Variants in ATL1 observed in about 807,000 individuals in gnomAD.
ATL1 encodes the protein atlastin GTPase 1, also known as atlastin-1.
A neutral mutation model predicts 75.5 loss-of-function variants in ATL1; 31 were observed. The ratio of observed to expected loss-of-function variants is 0.41; its 90% CI spans 0.31 to 0.55. The LOEUF (loss-of-function observed/expected upper bound fraction) is 0.55, where lower values mean the gene tolerates loss of function less well. Among genes scored for constraint, ATL1 ranks in the 20% least tolerant of loss-of-function variants. The pLI, the probability that ATL1 is intolerant of heterozygous loss-of-function variation, is 0.27. For synonymous variants in ATL1, 226 were observed against 233.3 expected (o/e 0.97, Z 0.28); for missense variants, 405 against 662.6 (o/e 0.61, Z 4.27).
intron 1 of ATL1, among the ~76,000 whole-genome samples, chr14:50,582,286 G>T (rs910322766): frequency 1.3e-5 from 2 of 151,414 alleles, no homozygotes; most frequent in African/African-American, 4.8e-5. Flanking sequence ...CTCAACAAAA[G>T]AAATTTAAAT....
At chr14:50,580,985 C>T (rs1006056065) in intron 1 of ATL1, among the ~76,000 whole-genome samples, 2 of 151,764 alleles carry the variant, frequency 1.3e-5, no homozygotes, top group African/African-American at 2.4e-5. Context: ...CATAAAATTA[C>T]TCATAATATC....
intron 6 of ATL1, among the ~76,000 whole-genome samples, chr14:50,598,486 AAGT>A (rs1283003365): frequency 1.3e-5 from 2 of 151,826 alleles, no homozygotes; most frequent in South Asian, 4.2e-4. Context: ...TCAGCCTCCC[AAGT>A]AGCTGGGATT....
At chr14:50,561,203 T>C (rs2140175103) in intron 1 of ATL1, 1 of 152,362 alleles carries the variant, frequency 6.6e-6, no homozygotes, top group Non-Finnish European at 1.5e-5. Context: ...CCCGCCTTGC[T>C]GCTCCAGACC....
chr14:50,585,951 C>A (rs1812181), intron 1 of ATL1, among the ~76,000 whole-genome samples: 5 of 151,978 alleles, frequency 3.3e-5, no homozygotes, highest in African/African-American at 1.2e-4. Flanking sequence ...GTGGTGTATA[C>A]TTATCTCTAC....
At chr14:50,537,655 C>G (rs2038511974) in intron 1 of ATL1, among the ~76,000 whole-genome samples, 1 of 152,234 alleles carries the variant, frequency 6.6e-6, no homozygotes, top group Non-Finnish European at 1.5e-5. Context: ...CCATGGGAAC[C>G]AACCTCTTGC....
upstream of ATL1, chr14:50,560,002 A>ACGGTC: frequency 3.7e-6 from 2 of 547,622 alleles, no homozygotes; most frequent in Non-Finnish European, 6.6e-6. Flanking sequence ...CACTGTCTTC[A>ACGGTC]CGGTCTGGGG....
intron 10 of ATL1, among the ~76,000 whole-genome samples, chr14:50,622,869 G>A (rs1343761205): frequency 6.6e-6 from 1 of 152,118 alleles, no homozygotes; most frequent in South Asian, 2.1e-4. Context: ...CCATGAGTTT[G>A]GGTTTATGAT....
At chr14:50,613,120 G>A in intron 6 of ATL1, 139 bp from the exon 7 acceptor site, 1 of 713,084 alleles carries the variant, frequency 1.4e-6, no homozygotes, top group Non-Finnish European at 2.5e-6. Flanking sequence ...CACTTTCAAA[G>A]GTTTTATGTT....
At chr14:50,550,437 C>T (rs756200797) in intron 1 of ATL1, among the ~76,000 whole-genome samples, 6 of 152,198 alleles carry the variant, frequency 3.9e-5, no homozygotes, top group Non-Finnish European at 5.9e-5. Flanking sequence ...ACTACAGCAG[C>T]GGTCAGCCAC....
intron 1 of ATL1, among the ~76,000 whole-genome samples, chr14:50,578,408 A>G (rs534500645): frequency 4.6e-5 from 7 of 152,302 alleles, no homozygotes; most frequent in African/African-American, 1.7e-4. Context: ...AGGAAAGGAT[A>G]ATCAGATACC....
chr14:50,604,002 A>G (rs1250173275), intron 6 of ATL1, among the ~76,000 whole-genome samples: 3 of 152,206 alleles, frequency 2.0e-5, no homozygotes, highest in Non-Finnish European at 2.9e-5. Flanking sequence ...CAGAAGAGCA[A>G]TAACAGCAAT....
chr14:50,563,583 A>G (rs1454315641), intron 1 of ATL1, among the ~76,000 whole-genome samples: 1 of 152,256 alleles, frequency 6.6e-6, no homozygotes, highest in Non-Finnish European at 1.5e-5. Flanking sequence ...TTGCAAAATC[A>G]GCATGAGAGC....
At chr14:50,595,684 G>A (rs980444217) in intron 6 of ATL1, 52 bp downstream of exon 6, 6 of 1,506,660 alleles carry the variant, frequency 4.0e-6, no homozygotes, top group Non-Finnish European at 3.7e-6. Flanking sequence ...CCTGAAGACT[G>A]TAACCAGGTA....
chr14:50,583,035 A>G (rs1291191360), intron 1 of ATL1, among the ~76,000 whole-genome samples: 1 of 152,188 alleles, frequency 6.6e-6, no homozygotes, highest in Non-Finnish European at 1.5e-5. Context: ...CCCTTAGTAA[A>G]CTACACATAG....
intron 1 of ATL1, among the ~76,000 whole-genome samples, chr14:50,538,601 C>G (rs1419280398): frequency 8.5e-5 from 13 of 152,174 alleles, no homozygotes; most frequent in Admixed American, 8.5e-4. Context: ...CAAAGTTTGC[C>G]CACACCTCAT....
chr14:50,622,519 A>C (rs1378095972), intron 10 of ATL1, among the ~76,000 whole-genome samples: 1 of 151,992 alleles, frequency 6.6e-6, no homozygotes, highest in Non-Finnish European at 1.5e-5. Context: ...TACAAAAATT[A>C]GCTGGGCGTG....
At chr14:50,546,880 C>T (rs919258292) in intron 1 of ATL1, among the ~76,000 whole-genome samples, 5 of 152,036 alleles carry the variant, frequency 3.3e-5, no homozygotes, top group Middle Eastern at 3.4e-3. Flanking sequence ...GGTACATGTG[C>T]GGAACATGCA....
intron 8 of ATL1, among the ~76,000 whole-genome samples, chr14:50,615,446 C>A (rs1243576750): frequency 6.6e-6 from 1 of 152,140 alleles, no homozygotes; most frequent in Non-Finnish European, 1.5e-5. Flanking sequence ...ATTTGAAAAG[C>A]AAATGAATTA....
chr14:50,601,448 GGGGAGGA>G (rs2039270950), intron 6 of ATL1, among the ~76,000 whole-genome samples: 1 of 152,148 alleles, frequency 6.6e-6, no homozygotes, highest in Non-Finnish European at 1.5e-5. Flanking sequence ...AAAACTGGTT[GGGGAGGA>G]GGGAGGAGGT....
Sources: gnomAD v4.1 joint callset for allele counts (sites outside exome capture counted in the v4.1 genomes callset) on GRCh38, gnomAD v4.1.1 for gene constraint, MANE v1.5 for transcripts, NCBI Gene and HGNC (gene_info 2026-07-23, HGNC 2026-07-21) for gene names.